RARB: variants seen among roughly 807,000 people sequenced by gnomAD.
RARB encodes HBV-activated protein.
In RARB, 17 loss-of-function variants were observed where a neutral mutation model predicts 51.9. The ratio of observed to expected loss-of-function variants is 0.33; its 90% CI spans 0.22 to 0.49. The LOEUF is 0.49. Ranked by LOEUF, RARB falls within the 20% of genes least tolerant of loss-of-function variation. The pLI, the probability that RARB is intolerant of heterozygous loss-of-function variation, is 0.99. For synonymous variants in RARB, 215 were observed against 195.4 expected (o/e 1.10, Z -0.84); for missense variants, 369 against 550.8 (o/e 0.67, Z 3.30).
Position 24,897,080 on chromosome 3 carries a change from T to C in RARB, c.-380+38328T>C, listed in dbSNP as rs187279764. Among the ~76,000 whole-genome samples, 192 of 152,342 alleles carry C rather than the reference T, an allele frequency of 1.3e-3. 1 individual carries two copies. The highest frequency in any genetic ancestry group is 4.4e-3 in the African/African-American group (185 of 41,588). ...CCCTGAAGTCTGTCTCTGACACTTATGTCTAAATTAGACTGCTGCTAATTA... is the reference window on the plus strand; with the variant it reads ...CCCTGAAGTCTGTCTCTGACACTTACGTCTAAATTAGACTGCTGCTAATTA... On this transcript the variant is annotated intron_variant, in intron 2 of 11. Transcript: ENST00000383772.
At position 25,005,599 on chromosome 3, in the gene RARB, T is replaced by C. The variant is rs537723699; in HGVS notation, c.-379-54526T>C. On this transcript the variant is annotated intron_variant, in intron 2 of 11. Coordinates refer to the RARB transcript ENST00000383772. ...AGATAGCAAGATGGAAGCCACAATA[T>C]TGTTTATGACCTAGCCTTAGAAGCC... is the stretch of plus-strand genomic sequence containing the variant. Among the ~76,000 whole-genome samples the C allele has an allele frequency of 1.2e-3, 181 of 152,228 alleles. 1 individual carries two copies. Among genetic ancestry groups the C allele is most frequent in the African/African-American group, 4.2e-3 (173 of 41,574 alleles).
intron 3 of RARB, among the ~76,000 whole-genome samples, chr3:25,560,455 G>C (rs535529813): frequency 6.6e-6 from 1 of 152,268 alleles, no homozygotes; most frequent in Admixed American, 6.5e-5. Flanking sequence ...TTGACATGTG[G>C]ATGGCTCAGG....
intron 5 of RARB, among the ~76,000 whole-genome samples, chr3:25,583,061 G>C (rs369918396): frequency 3.3e-5 from 5 of 152,182 alleles, no homozygotes; most frequent in African/African-American, 1.2e-4. Flanking sequence ...GGGGTGAGGA[G>C]TCTGGGTTGG....
chr3:24,912,394 T>C (rs930191387), intron 2 of RARB, among the ~76,000 whole-genome samples: 3 of 152,196 alleles, frequency 2.0e-5, no homozygotes, highest in African/African-American at 7.2e-5. Flanking sequence ...GTAATATACT[T>C]AATACAATGT....
chr3:25,150,554 T>C (rs1700269787), intron 4 of RARB, among the ~76,000 whole-genome samples: 1 of 152,178 alleles, frequency 6.6e-6, no homozygotes, highest in Non-Finnish European at 1.5e-5. Context: ...TGTGGTAAAC[T>C]ATGGACAAGA....
Position 25,244,272 on chromosome 3 carries a change from A to ATTTT in RARB, c.178+69709_178+69712dup, listed in dbSNP as rs200215353. On this transcript the variant is annotated intron_variant, in intron 5 of 11. Transcript: ENST00000383772. ...AATAAACCAGCTCCTGAATTCATTG[A>ATTTT]TTTTTTTTTTTTTTTGAAGAGTTTG... Among the ~76,000 whole-genome samples the ATTTT allele has an allele frequency of 3.0e-5, 4 of 133,268 alleles. 1 individual carries two copies. Among genetic ancestry groups the ATTTT allele is most frequent in the African/African-American group, 8.4e-5 (3 of 35,718 alleles). 87.4% of individuals were successfully genotyped at this position (133,268 alleles called of 152,430 possible).
chr3:25,198,803 G>A (rs1262166707), intron 5 of RARB, among the ~76,000 whole-genome samples: 1 of 152,096 alleles, frequency 6.6e-6, no homozygotes, highest in African/African-American at 2.4e-5. Flanking sequence ...ATGCTGGTGA[G>A]GATGTGGAGA....
At chr3:25,313,461 C>A (rs757397802) in intron 5 of RARB, among the ~76,000 whole-genome samples, 16 of 152,174 alleles carry the variant, frequency 1.1e-4, no homozygotes, top group Admixed American at 9.8e-4. Flanking sequence ...TTCCCCAACT[C>A]CCTGGTATGA....
intron 2 of RARB, among the ~76,000 whole-genome samples, chr3:24,983,539 C>G (rs1422532320): frequency 6.6e-6 from 1 of 152,092 alleles, no homozygotes; most frequent in Non-Finnish European, 1.5e-5. Context: ...CCCTTGCCCC[C>G]TACCCCCTGA....
At chr3:24,984,806 T>C (rs1696752762) in intron 2 of RARB, among the ~76,000 whole-genome samples, 1 of 152,220 alleles carries the variant, frequency 6.6e-6, no homozygotes, top group South Asian at 2.1e-4. Context: ...GTAGTAATCA[T>C]TTCACTGTGT....
chr3:24,830,406 C>T (rs1261973889), intron 1 of RARB, among the ~76,000 whole-genome samples: 1 of 100,168 alleles, frequency 1.0e-5, no homozygotes, highest in Non-Finnish European at 2.3e-5. Context: ...TGAAAGTGAA[C>T]AGGTGACAGA....
chr3:24,930,346 A>T (rs1301870704), intron 2 of RARB, among the ~76,000 whole-genome samples: 2 of 152,036 alleles, frequency 1.3e-5, no homozygotes, highest in African/African-American at 4.8e-5. Flanking sequence ...TACCACCATT[A>T]ACTGCGTTTG....
chr3:24,985,627 T>C (rs1014819684), intron 2 of RARB, among the ~76,000 whole-genome samples: 1 of 152,188 alleles, frequency 6.6e-6, no homozygotes, highest in African/African-American at 2.4e-5. Context: ...GTATAAAGAA[T>C]AGATGTTTGC....
At chr3:25,546,699 G>C (rs1699633596) in intron 3 of RARB, among the ~76,000 whole-genome samples, 1 of 152,032 alleles carries the variant, frequency 6.6e-6, no homozygotes, top group South Asian at 2.1e-4. Flanking sequence ...GGAAAGTACG[G>C]AAATTTGCAA....
At chr3:25,330,711 A>G (rs9858501) in intron 5 of RARB, among the ~76,000 whole-genome samples, 23,284 of 152,188 alleles carry the variant, frequency 0.15, 2,065 homozygotes, top group African/African-American at 0.24. Flanking sequence ...TAAAAGACAC[A>G]GACTGGCAAA....
At chr3:24,918,426 A>G (rs1224211023) in intron 2 of RARB, among the ~76,000 whole-genome samples, 1 of 152,160 alleles carries the variant, frequency 6.6e-6, no homozygotes, top group East Asian at 1.9e-4. Flanking sequence ...TGCAAAAGAG[A>G]AAGTGGGGTC....
At chr3:24,940,726 C>G (rs139418137) in intron 2 of RARB, among the ~76,000 whole-genome samples, 3 of 152,280 alleles carry the variant, frequency 2.0e-5, no homozygotes, top group African/African-American at 7.2e-5. Flanking sequence ...CATTCTGCTG[C>G]TTGGCAGTGA....
chr3:25,082,982 G>C (rs984510192), intron 3 of RARB, among the ~76,000 whole-genome samples: 3 of 151,954 alleles, frequency 2.0e-5, no homozygotes, highest in East Asian at 1.9e-4. Context: ...CAGTAATTTA[G>C]AGATGTTCTT....
chr3:25,209,000 G>A (rs1029206786), intron 5 of RARB, among the ~76,000 whole-genome samples: 1 of 152,220 alleles, frequency 6.6e-6, no homozygotes, highest in Non-Finnish European at 1.5e-5. Flanking sequence ...CAAACATGAA[G>A]CATGGCTCCC....
Sources: gnomAD v4.1 joint callset for allele counts (sites outside exome capture counted in the v4.1 genomes callset) on GRCh38, gnomAD v4.1.1 for gene constraint, MANE v1.5 for transcripts, NCBI Gene and HGNC (gene_info 2026-07-23, HGNC 2026-07-21) for gene names.